ARG2: variants seen among roughly 807,000 people sequenced by gnomAD.
The protein encoded by ARG2 is arginase 2.
In ARG2, 21 loss-of-function variants were observed where a neutral mutation model predicts 39.4. The ratio of observed to expected loss-of-function variants is 0.53; its 90% confidence interval spans 0.38 to 0.77. The LOEUF (loss-of-function observed/expected upper bound fraction) is 0.77, where lower values mean the gene tolerates loss of function less well. Ranked by LOEUF, ARG2 falls within the 30% of genes least tolerant of loss-of-function variation. ARG2 has a pLI of 0.00. For missense variants in ARG2, 378 were observed against 426.2 expected, an observed-to-expected ratio of 0.89 and a Z score of 1.00; for synonymous variants, 150 against 156.7, an observed-to-expected ratio of 0.96 and a Z score of 0.32.
In ARG2 at chr14:67,646,940, G is replaced by C; in HGVS notation, c.637G>C (p.Asp213His). ...PPEHFILKNY[D>H]IQYFSMRDID... ...TCACAGTTTTATTTTAAAGAACTAT[G>C]ATATCCAGTATTTTTCCATGAGAGA... The change falls in exon 6 of 8, where the codon GAT (aspartate) becomes CAT (histidine). Residue 213 changes from aspartate to histidine, a missense_variant. Coordinates refer to ENST00000261783, the MANE Select transcript of ARG2 (RefSeq NM_001172.4). The C allele has an allele frequency of 1.2e-6, 2 of 1,606,222 alleles. No homozygotes were observed. The highest frequency in any genetic ancestry group is 1.7e-6 in the Non-Finnish European group (2 of 1,173,054).
intron 3 of ARG2, 64 bp downstream of exon 3, chr14:67,642,427 C>A: frequency 6.5e-7 from 1 of 1,543,964 alleles, no homozygotes; most frequent in Non-Finnish European, 8.8e-7. Context: ...CATAACTTAG[C>A]TTCTTTATCT....
At chr14:67,638,620 A>C (rs1014346915) in intron 2 of ARG2, among the ~76,000 whole-genome samples, 6 of 152,154 alleles carry the variant, frequency 3.9e-5, no homozygotes, top group Non-Finnish European at 8.8e-5. Context: ...CAAATTATAG[A>C]GTTGAGTTCG....
intron 2 of ARG2, among the ~76,000 whole-genome samples, chr14:67,632,797 T>C (rs56083029): frequency 0.081 from 11,954 of 146,998 alleles, 647 homozygotes; most frequent in Non-Finnish European, 0.12. Flanking sequence ...CAGGGAGAAT[T>C]AAGCCTCTTA....
chr14:67,645,913 CCTT>C, intron 4 of ARG2, 111 bp downstream of exon 4: 5 of 1,237,978 alleles, frequency 4.0e-6, no homozygotes, highest in East Asian at 2.4e-5. Flanking sequence ...GATTACCACT[CCTT>C]CATTTGTTCA....
Position 67,645,763 on chromosome 14 carries a change from A to C in ARG2, c.483A>C (p.Gly161=), listed in dbSNP as rs1243648109. ...PLTTSSGNLH[G]QPVSFLLREL... is the part of the protein sequence containing the mutation. ...CCACTTCATCAGGAAATCTCCATGG[A>C]CAGCCAGTTTCATTTCTCCTCAGAG... The change falls in exon 4 of 8, where the codon GGA becomes GGC. Residue 161 remains glycine, a synonymous_variant. Transcript: ENST00000261783. The C allele has an allele frequency of 1.2e-6, 2 of 1,614,064 alleles. No homozygotes were observed. Among genetic ancestry groups the C allele is most frequent in the Admixed American group, 3.3e-5 (2 of 60,000 alleles).
intron 5 of ARG2, 90 bp from the exon 6 acceptor site, chr14:67,646,831 C>A: frequency 7.2e-7 from 1 of 1,397,546 alleles, no homozygotes; most frequent in South Asian, 1.2e-5. Flanking sequence ...TATTGCAGGT[C>A]ACTACAACAA....
intron 6 of ARG2, chr14:67,647,749 G>A: frequency 3.7e-6 from 1 of 268,838 alleles, no homozygotes; most frequent in East Asian, 7.2e-5. Context: ...TCTATTGACA[G>A]TTATTAGTAT....
chr14:67,650,981 G>GA lies in ARG2; in HGVS notation c.*62dup. The GA allele has an allele frequency of 6.7e-7, 1 of 1,495,226 alleles. No individual in the cohort carries two copies. Among genetic ancestry groups the GA allele is most frequent in the African/African-American group, 1.4e-5 (1 of 72,780 alleles). The allele number at this position is 1,495,226 out of a possible 1,614,324, so 92.6% of individuals were successfully genotyped here. ...TTCCAGAATTATGAGGCATTGAGGGGATAGATGAATACTAAATGGTTGTCT... is the reference window on the plus strand; with the variant it reads ...TTCCAGAATTATGAGGCATTGAGGGGAATAGATGAATACTAAATGGTTGTCT... On this transcript the variant is annotated 3_prime_UTR_variant, in exon 8 of 8. Transcript: ENST00000261783.
chr14:67,645,603 C>T (rs768910144), intron 3 of ARG2, 40 bp from the exon 4 acceptor site: 2 of 1,590,836 alleles, frequency 1.3e-6, no homozygotes, highest in South Asian at 2.3e-5. Flanking sequence ...GTCATGTTTG[C>T]CAAGCAGAGG....
chr14:67,637,011 C>T (rs529778857), intron 2 of ARG2, among the ~76,000 whole-genome samples: 1 of 152,188 alleles, frequency 6.6e-6, no homozygotes, highest in African/African-American at 2.4e-5. Flanking sequence ...TTACACATTA[C>T]AATGTCTGCA....
At chr14:67,632,241 T>C (rs1469223534) in intron 2 of ARG2, among the ~76,000 whole-genome samples, 1 of 152,226 alleles carries the variant, frequency 6.6e-6, no homozygotes, top group African/African-American at 2.4e-5. Context: ...TGTATACAGA[T>C]GTCTTCCATG....
chr14:67,642,793 C>CTTTTTTTTTTTTTTTTTT lies in ARG2; in HGVS notation c.362+440_362+457dup, dbSNP rs869215946. ...CCCCTTTGGCATGTTACTACATTTT[C>CTTTTTTTTTTTTTTTTTT]TTTTTTTTTTTTTTTTTTTTTTTTT... On this transcript the variant is annotated intron_variant, in intron 3 of 7. Coordinates refer to ENST00000261783, the MANE Select transcript of ARG2 (RefSeq NM_001172.4). 8.5e-4 allele frequency among the ~76,000 whole-genome samples: 64 copies of CTTTTTTTTTTTTTTTTTT among 75,556 alleles called. 13 individuals carry two copies. The highest frequency in any genetic ancestry group is 2.8e-3 in the African/African-American group (51 of 18,252). 49.6% of individuals were successfully genotyped at this position (75,556 alleles called of 152,430 possible).
intron 2 of ARG2, among the ~76,000 whole-genome samples, chr14:67,636,721 G>A (rs1327216574): frequency 6.6e-6 from 1 of 152,168 alleles, no homozygotes; most frequent in African/African-American, 2.4e-5. Flanking sequence ...AGTAGTACTC[G>A]GTGTATTTTA....
In ARG2 at chr14:67,646,640, A is replaced by G. The variant is rs776173992; in HGVS notation, c.523-4A>G. ...TTAATCCTGTCCATTTCTCCCTTTC[A>G]TAGGTACCACAACTCCCAGGATTTT... On this transcript the variant is annotated splice_region_variant and splice_polypyrimidine_tract_variant and intron_variant, in intron 4 of 7. Transcript: ENST00000261783. 1 of 1,598,520 alleles carries G rather than the reference A, an allele frequency of 6.3e-7. No homozygotes were observed. The highest frequency in any genetic ancestry group is 1.1e-5 in the South Asian group (1 of 90,542).
intron 2 of ARG2, among the ~76,000 whole-genome samples, chr14:67,625,696 A>G (rs576389291): frequency 7.8e-4 from 117 of 149,058 alleles, no homozygotes; most frequent in African/African-American, 2.1e-3. Flanking sequence ...AAAAAAAAAA[A>G]AAAAGAAACT....
chr14:67,643,152 T>TC (rs1429722954), intron 3 of ARG2, among the ~76,000 whole-genome samples: 1 of 152,228 alleles, frequency 6.6e-6, no homozygotes, highest in Non-Finnish European at 1.5e-5. Context: ...ACTCATGCAA[T>TC]CAGTCCTTTG....
chr14:67,625,796 A>G (rs1409774467), intron 2 of ARG2, among the ~76,000 whole-genome samples: 1 of 152,070 alleles, frequency 6.6e-6, no homozygotes, highest in Non-Finnish European at 1.5e-5. Flanking sequence ...ATATTTGCAA[A>G]TCATATACCT....
At chr14:67,642,968 C>CA (rs1308345972) in intron 3 of ARG2, among the ~76,000 whole-genome samples, 4 of 151,736 alleles carry the variant, frequency 2.6e-5, no homozygotes, top group Non-Finnish European at 5.9e-5. Flanking sequence ...ATGCCTGGCT[C>CA]ATTTTTGTAT....
At chr14:67,645,528 T>C in intron 3 of ARG2, 115 bp from the exon 4 acceptor site, 4 of 1,200,922 alleles carry the variant, frequency 3.3e-6, no homozygotes, top group Middle Eastern at 5.7e-4. Context: ...CCAGTCTCCA[T>C]CTAGGCCCTG....
Sources: allele counts gnomAD v4.1 joint callset (sites outside exome capture counted in the v4.1 genomes callset), GRCh38; gene constraint gnomAD v4.1.1; transcripts MANE v1.5; gene names NCBI Gene and HGNC (gene_info 2026-07-23, HGNC 2026-07-21).